DSCAM: variants seen among roughly 807,000 people sequenced by gnomAD.
DSCAM encodes DS cell adhesion molecule.
DSCAM carries 47 observed loss-of-function variants against 217.7 expected under a neutral mutation model. That is an observed-to-expected ratio of 0.22 (90% confidence interval 0.17 to 0.28). DSCAM has a LOEUF of 0.28. DSCAM is among the 10% of genes least tolerant of loss of function. DSCAM has a pLI of 1.00. For synonymous variants in DSCAM, 1,056 were observed against 1,015.3 expected, an observed-to-expected ratio of 1.04 and a Z score of -0.76; for missense variants, 2,080 against 2,618.3, an observed-to-expected ratio of 0.79 and a Z score of 4.49.
At chr21:40,020,071 G>C (rs2088234458) in intron 32 of DSCAM, among the ~76,000 whole-genome samples, 1 of 152,060 alleles carries the variant, frequency 6.6e-6, no homozygotes, top group Non-Finnish European at 1.5e-5. Context: ...TAATTCCCAT[G>C]TGTTGTAGGA....
chr21:40,394,809 A>ACCAG, intron 3 of DSCAM, among the ~76,000 whole-genome samples: 2 of 152,314 alleles, frequency 1.3e-5, no homozygotes, highest in Middle Eastern at 6.8e-3. Flanking sequence ...CCGAAGGCAT[A>ACCAG]CCAGTTCAGA....
intron 1 of DSCAM, among the ~76,000 whole-genome samples, chr21:40,782,930 A>C (rs1409620449): frequency 4.6e-5 from 7 of 152,222 alleles, no homozygotes; most frequent in Non-Finnish European, 8.8e-5. Flanking sequence ...GACTGCCCTG[A>C]GGCGGATCAC....
chr21:40,170,768 G>T (rs2090648237), intron 15 of DSCAM, among the ~76,000 whole-genome samples: 4 of 152,282 alleles, frequency 2.6e-5, no homozygotes, highest in Admixed American at 1.3e-4. Context: ...CTGAGGCTGG[G>T]TTACTTTAAT....
At chr21:40,567,742 G>T (rs1568910478) in intron 3 of DSCAM, among the ~76,000 whole-genome samples, 1 of 152,224 alleles carries the variant, frequency 6.6e-6, no homozygotes. Context: ...GTTTGCTAAT[G>T]TGTTAGCATT....
At chr21:40,817,514 CCT>C (rs2091890229) in intron 1 of DSCAM, among the ~76,000 whole-genome samples, 1 of 152,096 alleles carries the variant, frequency 6.6e-6, no homozygotes, top group African/African-American at 2.4e-5. Flanking sequence ...AGGAGAGCGC[CCT>C]GTTTGTCCAT....
chr21:40,746,675 C>G (rs548754504), intron 1 of DSCAM, among the ~76,000 whole-genome samples: 9 of 151,794 alleles, frequency 5.9e-5, no homozygotes, highest in Admixed American at 2.6e-4. Context: ...AGACAGAAAA[C>G]CAACAAAGAG....
At chr21:40,393,340 A>G (rs1356006497) in intron 3 of DSCAM, among the ~76,000 whole-genome samples, 1 of 152,232 alleles carries the variant, frequency 6.6e-6, no homozygotes, top group Admixed American at 6.5e-5. Context: ...GAATACATGG[A>G]TGAGTCTTCA....
At chr21:40,112,017 A>G (rs1406679007) in intron 20 of DSCAM, among the ~76,000 whole-genome samples, 1 of 151,998 alleles carries the variant, frequency 6.6e-6, no homozygotes, top group Non-Finnish European at 1.5e-5. Context: ...CGAGACAGAA[A>G]GTTAACAAGG....
chr21:40,053,271 C>T (rs1324865262), intron 29 of DSCAM, among the ~76,000 whole-genome samples: 5 of 152,212 alleles, frequency 3.3e-5, no homozygotes, highest in East Asian at 1.9e-4. Context: ...AGTATCCCAG[C>T]GCATGGTGCG....
At chr21:40,567,804 G>A (rs980653391) in intron 3 of DSCAM, among the ~76,000 whole-genome samples, 20 of 152,180 alleles carry the variant, frequency 1.3e-4, no homozygotes, top group Non-Finnish European at 2.8e-4. Flanking sequence ...CCTATTCCTC[G>A]TTAAATGGCA....
chr21:40,392,498 C>A (rs776490907), intron 3 of DSCAM, among the ~76,000 whole-genome samples: 1 of 152,080 alleles, frequency 6.6e-6, no homozygotes, highest in Non-Finnish European at 1.5e-5. Context: ...AAGAAACTAA[C>A]CAACACGACG....
chr21:40,715,935 G>A (rs2090837038), intron 1 of DSCAM, among the ~76,000 whole-genome samples: 2 of 152,140 alleles, frequency 1.3e-5, no homozygotes, highest in South Asian at 4.1e-4. Flanking sequence ...CTTTAAAAAT[G>A]TAAATGTATA....
At chr21:40,429,722 C>T (rs552857721) in intron 3 of DSCAM, among the ~76,000 whole-genome samples, 2 of 152,334 alleles carry the variant, frequency 1.3e-5, no homozygotes, top group Non-Finnish European at 2.9e-5. Context: ...AAACAAACAG[C>T]ACCTGGCTTA....
chr21:40,702,761 G>A (rs2090671145), intron 2 of DSCAM, among the ~76,000 whole-genome samples: 2 of 151,432 alleles, frequency 1.3e-5, no homozygotes, highest in Admixed American at 6.6e-5. Context: ...CTCCTTTGTG[G>A]GCTTATTAGC....
rs888514465 is a variant in DSCAM at position 40,772,384 on chromosome 21, G to C, written c.44-63613C>G. 6.6e-5 allele frequency among the ~76,000 whole-genome samples: 10 copies of C among 152,170 alleles called. 1 individual carries two copies. The highest frequency in any genetic ancestry group is 2.6e-4 in the Admixed American group (4 of 15,270). On this transcript the variant is annotated intron_variant, in intron 1 of 32. Coordinates refer to ENST00000400454, the MANE Select transcript of DSCAM (RefSeq NM_001389.5). ...GGGTTTCACCATGTTGGCCAGGCTG[G>C]TCTCGAACTCCCGACCTCAGGTGAT...
At chr21:40,606,759 T>C (rs74555497) in intron 3 of DSCAM, among the ~76,000 whole-genome samples, 11,205 of 152,310 alleles carry the variant, frequency 0.074, 532 homozygotes, top group Middle Eastern at 0.16. Flanking sequence ...CAGTCTGATA[T>C]GGTTTGGCTG....
intron 1 of DSCAM, among the ~76,000 whole-genome samples, chr21:40,825,783 T>C (rs1442711115): frequency 6.6e-6 from 1 of 152,206 alleles, no homozygotes; most frequent in Non-Finnish European, 1.5e-5. Flanking sequence ...TTCTAGGGCA[T>C]AATGCTTGTT....
At chr21:40,053,513 C>T (rs1601277712) in intron 29 of DSCAM, among the ~76,000 whole-genome samples, 1 of 152,328 alleles carries the variant, frequency 6.6e-6, no homozygotes, top group East Asian at 1.9e-4. Context: ...GGCTAGGTTA[C>T]ACACTTTTCA....
intron 16 of DSCAM, among the ~76,000 whole-genome samples, chr21:40,165,911 G>C (rs766745394): frequency 2.6e-4 from 39 of 152,164 alleles, no homozygotes; most frequent in Non-Finnish European, 4.4e-4. Flanking sequence ...ATGCTCGCAG[G>C]GGGTGGATGT....
Sources: gnomAD v4.1 joint callset for allele counts (sites outside exome capture counted in the v4.1 genomes callset) on GRCh38, gnomAD v4.1.1 for gene constraint, MANE v1.5 for transcripts, NCBI Gene and HGNC (gene_info 2026-07-23, HGNC 2026-07-21) for gene names.